Variants in USH2A observed in about 807,000 individuals in gnomAD.
USH2A encodes Usher syndrome 2A (autosomal recessive, mild).
A neutral mutation model predicts 538.9 loss-of-function variants in USH2A; 443 were observed. The ratio of observed to expected loss-of-function variants is 0.82; its 90% CI spans 0.76 to 0.89. The LOEUF (loss-of-function observed/expected upper bound fraction) is 0.89. USH2A is among the 40% of genes least tolerant of loss of function. The pLI is 0.00. For missense variants in USH2A, 6,633 were observed against 6,324.8 expected (o/e 1.05, Z -1.65); for synonymous variants, 2,413 against 2,273.5 (o/e 1.06, Z -1.75).
chr1:215,758,888 T>C (rs1362038397), intron 57 of USH2A, 136 bp from the exon 58 acceptor site: 1 of 915,040 alleles, frequency 1.1e-6, no homozygotes, highest in Non-Finnish European at 1.7e-6. Context: ...TTCCAGAAAC[T>C]TGACTTGGTA....
intron 3 of USH2A, among the ~76,000 whole-genome samples, chr1:216,373,380 C>G (rs561145350): frequency 6.6e-6 from 1 of 152,282 alleles, no homozygotes; most frequent in East Asian, 1.9e-4. Flanking sequence ...TGAGGTGTTC[C>G]TCAAGTAAGT....
chr1:215,791,875 T>C (rs529682684), intron 50 of USH2A, among the ~76,000 whole-genome samples: 1 of 152,266 alleles, frequency 6.6e-6, no homozygotes, highest in Non-Finnish European at 1.5e-5. Flanking sequence ...TACATATAAA[T>C]ATATACATAC....
chr1:215,767,352 C>T (rs183076450), intron 55 of USH2A, among the ~76,000 whole-genome samples: 9 of 152,224 alleles, frequency 5.9e-5, no homozygotes, highest in Non-Finnish European at 7.4e-5. Flanking sequence ...TATATAAATA[C>T]GGGCAGGAAA....
intron 38 of USH2A, among the ~76,000 whole-genome samples, chr1:215,912,453 G>GTATATATATATA (rs780000613): frequency 7.2e-4 from 31 of 42,970 alleles, no homozygotes; most frequent in Non-Finnish European, 1.0e-3. Context: ...GTAGGTATGT[G>GTATATATATATA]TATATATATA....
Position 216,011,965 on chromosome 1 carries a change from C to G in USH2A, c.6326-11403G>C, listed in dbSNP as rs1373905784. The stretch of plus-strand genomic sequence containing the variant: ...TCTTTCCTGTTCCTCAGCCTGATCA[C>G]GCTTGATTTTTTTTTTTTTTTTTTT... On this transcript the variant is annotated intron_variant, in intron 32 of 71. Transcript: ENST00000307340. Among the ~76,000 whole-genome samples, 2 of 77,628 alleles carry G rather than the reference C, an allele frequency of 2.6e-5. 1 individual carries two copies. The highest frequency in any genetic ancestry group is 3.2e-4 in the Admixed American group (2 of 6,172). The allele number at this position is 77,628 out of a possible 152,430, so 50.9% of individuals were successfully genotyped here.
At position 216,169,917 on chromosome 1, in the gene USH2A, TGAAAA is replaced by T. The variant is rs1022020202; in HGVS notation, c.4627+5330_4627+5334del. ...TAAAATTTGTGATTTAAATCTGTCT[TGAAAA>T]GAACTGGGGTTTTGTTTAGTTGTTT... On this transcript the variant is annotated intron_variant, in intron 21 of 71. Transcript: ENST00000307340. Among the ~76,000 whole-genome samples the T allele has an allele frequency of 1.5e-4, 23 of 152,288 alleles. No individual in the cohort carries two copies. In the South Asian group the frequency reaches 2.9e-3, roughly 19 times the overall value.
intron 21 of USH2A, among the ~76,000 whole-genome samples, chr1:216,161,952 C>T (rs2034068048): frequency 1.3e-5 from 2 of 151,950 alleles, no homozygotes; most frequent in Admixed American, 6.6e-5. Context: ...CCCCACCCTC[C>T]CCAGGTGCTT....
At chr1:215,821,336 C>G (rs2102800475) in intron 47 of USH2A, among the ~76,000 whole-genome samples, 1 of 151,766 alleles carries the variant, frequency 6.6e-6, no homozygotes, top group Admixed American at 6.6e-5. Context: ...CAATTCTCAT[C>G]TCTTTAGTGA....
At chr1:215,775,569 A>T (rs1661438202) in intron 55 of USH2A, among the ~76,000 whole-genome samples, 1 of 152,238 alleles carries the variant, frequency 6.6e-6, no homozygotes, top group Non-Finnish European at 1.5e-5. Flanking sequence ...TGGAACAGAG[A>T]CAAGAGGAAA....
At chr1:215,987,043 T>A (rs1237232000) in intron 35 of USH2A, among the ~76,000 whole-genome samples, 1 of 152,150 alleles carries the variant, frequency 6.6e-6, no homozygotes. Flanking sequence ...ATATTTTTAG[T>A]TAGTATTTAA....
At chr1:215,974,585 C>G (rs1667576406) in intron 35 of USH2A, among the ~76,000 whole-genome samples, 1 of 152,054 alleles carries the variant, frequency 6.6e-6, no homozygotes, top group South Asian at 2.1e-4. Context: ...TGAGAATATG[C>G]AATATTTGTT....
chr1:216,153,312 C>T (rs955993217), intron 21 of USH2A, among the ~76,000 whole-genome samples: 4 of 152,158 alleles, frequency 2.6e-5, no homozygotes, highest in Non-Finnish European at 4.4e-5. Flanking sequence ...AAGCACCCAC[C>T]CCTAGATACT....
At chr1:216,127,856 T>C (rs1412422394) in intron 21 of USH2A, among the ~76,000 whole-genome samples, 1 of 152,206 alleles carries the variant, frequency 6.6e-6, no homozygotes, top group African/African-American at 2.4e-5. Flanking sequence ...AGCATCAGTA[T>C]GGCAGAAGAA....
At chr1:215,652,082 G>C (rs1028474472) in intron 64 of USH2A, among the ~76,000 whole-genome samples, 31 of 152,162 alleles carry the variant, frequency 2.0e-4, no homozygotes, top group African/African-American at 7.5e-4. Flanking sequence ...ACTCACATTT[G>C]TATAAACTCT....
chr1:215,649,589 C>G (rs142338563), intron 65 of USH2A, among the ~76,000 whole-genome samples: 1 of 152,164 alleles, frequency 6.6e-6, no homozygotes, highest in East Asian at 1.9e-4. Context: ...TTATTGAGTA[C>G]GAAGCCCTAT....
chr1:215,646,765 G>A (rs1314546365), intron 67 of USH2A, among the ~76,000 whole-genome samples: 2 of 152,176 alleles, frequency 1.3e-5, no homozygotes, highest in Non-Finnish European at 2.9e-5. Context: ...GACCTGAGGT[G>A]ATTCACCCGC....
chr1:216,110,984 G>C (rs1465772369), intron 21 of USH2A, among the ~76,000 whole-genome samples: 2 of 152,154 alleles, frequency 1.3e-5, no homozygotes, highest in Non-Finnish European at 2.9e-5. Context: ...CCAGCACTTT[G>C]GGAGGTCAAG....
chr1:216,040,570 A>G (rs1275450933), intron 32 of USH2A, among the ~76,000 whole-genome samples: 3 of 152,022 alleles, frequency 2.0e-5, no homozygotes, highest in South Asian at 4.1e-4. Context: ...CTCGTTTAAA[A>G]TAAGAATAAT....
intron 4 of USH2A, among the ~76,000 whole-genome samples, chr1:216,361,614 T>C (rs1174099690): frequency 1.3e-5 from 2 of 152,132 alleles, no homozygotes; most frequent in African/African-American, 4.8e-5. Context: ...AGCATATTCA[T>C]TTGGCAAATA....
Sources: gnomAD v4.1 joint callset for allele counts (sites outside exome capture counted in the v4.1 genomes callset) on GRCh38, gnomAD v4.1.1 for gene constraint, MANE v1.5 for transcripts, NCBI Gene and HGNC (gene_info 2026-07-23, HGNC 2026-07-21) for gene names.